ARHGEF3: variants seen among roughly 807,000 people sequenced by gnomAD.
ARHGEF3 encodes 59.8 kDA protein.
In ARHGEF3, 28 loss-of-function variants were observed where a neutral mutation model predicts 63.2. The ratio of observed to expected loss-of-function variants is 0.44; its 90% CI spans 0.33 to 0.61. ARHGEF3 has a LOEUF of 0.61. ARHGEF3 is among the 20% of genes least tolerant of loss of function. The pLI, the probability that ARHGEF3 is intolerant of heterozygous loss-of-function variation, is 0.03. For missense variants in ARHGEF3, 533 were observed against 659.3 expected, an observed-to-expected ratio of 0.81 and a Z score of 2.10; for synonymous variants, 266 against 254.2, an observed-to-expected ratio of 1.05 and a Z score of -0.44.
intron 4 of ARHGEF3, among the ~76,000 whole-genome samples, chr3:56,817,488 G>A (rs1044572813): frequency 3.3e-5 from 5 of 152,176 alleles, no homozygotes; most frequent in Admixed American, 2.0e-4. Flanking sequence ...AACAAATGGA[G>A]TAATAAAGAC....
chr3:56,877,985 A>G (rs1489122072), intron 4 of ARHGEF3, among the ~76,000 whole-genome samples: 1 of 152,230 alleles, frequency 6.6e-6, no homozygotes, highest in Non-Finnish European at 1.5e-5. Context: ...AAATGTAGCT[A>G]TGGCTTTGAG....
chr3:56,878,084 G>T (rs1211471160), intron 4 of ARHGEF3, among the ~76,000 whole-genome samples: 1 of 152,138 alleles, frequency 6.6e-6, no homozygotes, highest in Non-Finnish European at 1.5e-5. Context: ...ATCATTGGAG[G>T]CTATTTTTAT....
intron 4 of ARHGEF3, among the ~76,000 whole-genome samples, chr3:56,812,937 A>C (rs765278356): frequency 1.3e-5 from 2 of 152,164 alleles, no homozygotes; most frequent in Non-Finnish European, 2.9e-5. Flanking sequence ...ATTGAGTGGG[A>C]GGTAGGGAGG....
chr3:56,918,725 G>A, intron 3 of ARHGEF3, among the ~76,000 whole-genome samples: 1 of 152,164 alleles, frequency 6.6e-6, no homozygotes, highest in East Asian at 1.9e-4. Context: ...GATCCGCAAG[G>A]TCCACGTTCA....
intron 1 of ARHGEF3, among the ~76,000 whole-genome samples, chr3:57,042,651 A>AATATATATAT (rs71076013): frequency 2.0e-5 from 1 of 49,260 alleles, no homozygotes; most frequent in African/African-American, 7.4e-5. Flanking sequence ...TATGTACATA[A>AATATATATAT]ATATATATAT....
At chr3:57,033,914 G>A (rs911177212) in intron 2 of ARHGEF3, among the ~76,000 whole-genome samples, 5 of 151,740 alleles carry the variant, frequency 3.3e-5, no homozygotes, top group East Asian at 3.9e-4. Context: ...GTGTGGTGGC[G>A]GACACCTGTA....
At chr3:56,988,264 A>G (rs1701618484) in intron 2 of ARHGEF3, among the ~76,000 whole-genome samples, 1 of 152,134 alleles carries the variant, frequency 6.6e-6, no homozygotes, top group Non-Finnish European at 1.5e-5. Flanking sequence ...CTCCTGCCTC[A>G]GCCTCCTGAG....
rs1167646618 is a variant in ARHGEF3, at chr3:56,796,403, T to G, written c.96+5300A>C. ...GGTTAATATAGATAAGCAAAATGAC[T>G]AACAGAACTGACGGTGGCACCTCCA... On this transcript the variant is annotated intron_variant, in intron 1 of 9. Transcript: ENST00000296315. Among the ~76,000 whole-genome samples, 4 of 152,180 alleles carry G rather than the reference T, an allele frequency of 2.6e-5. No homozygotes were observed. In the South Asian group the frequency reaches 8.3e-4, roughly 31 times the overall value.
intron 3 of ARHGEF3, among the ~76,000 whole-genome samples, chr3:56,916,027 G>A (rs17825630): frequency 0.12 from 18,458 of 152,080 alleles, 1,280 homozygotes; most frequent in South Asian, 0.22. Flanking sequence ...TGCTAAAGGA[G>A]GCCCTGACAG....
At chr3:56,826,937 T>A (rs2038734500) in intron 4 of ARHGEF3, among the ~76,000 whole-genome samples, 1 of 152,226 alleles carries the variant, frequency 6.6e-6, no homozygotes, top group Admixed American at 6.5e-5. Flanking sequence ...TTTTTATTTT[T>A]TAATTTTTTT....
At chr3:57,003,384 G>A (rs527274672) in intron 2 of ARHGEF3, among the ~76,000 whole-genome samples, 9 of 111,514 alleles carry the variant, frequency 8.1e-5, no homozygotes, top group South Asian at 3.1e-4. Context: ...GCCTGGCAAC[G>A]AAGCGAGACG....
intron 3 of ARHGEF3, among the ~76,000 whole-genome samples, chr3:56,935,968 G>A (rs1386797189): frequency 1.3e-5 from 2 of 152,200 alleles, no homozygotes; most frequent in Admixed American, 1.3e-4. Flanking sequence ...CCAAGCTGGT[G>A]AGTGACAGAT....
Position 56,839,929 on chromosome 3 carries a change from C to A in ARHGEF3, c.192+42363G>T, listed in dbSNP as rs78431131. 6.6e-5 allele frequency among the ~76,000 whole-genome samples: 10 copies of A among 152,202 alleles called. No homozygotes were observed. The East Asian group carries it at 1.9e-3, about 29-fold the overall frequency. ...CCCGAAGGCTCCTGGTGCTCTCGAG[C>A]CCGGACACGTTTCATCTGACAGGAA... On this transcript the variant is annotated intron_variant, in intron 4 of 12. Coordinates refer to the ARHGEF3 transcript ENST00000338458.
At chr3:56,775,305 C>A in intron 1 of ARHGEF3, 1 of 1,197,138 alleles carries the variant, frequency 8.4e-7, no homozygotes. Context: ...TATGCCCCTG[C>A]CAGTCTCAGA....
intron 4 of ARHGEF3, among the ~76,000 whole-genome samples, chr3:56,856,067 G>A (rs1578686220): frequency 6.6e-6 from 1 of 152,308 alleles, no homozygotes. Context: ...CCCTGCCGCA[G>A]AGGAGGAAGA....
intron 3 of ARHGEF3, among the ~76,000 whole-genome samples, chr3:56,895,425 C>G (rs1168573677): frequency 6.6e-6 from 1 of 151,926 alleles, no homozygotes; most frequent in Admixed American, 6.6e-5. Context: ...CAGAAAGAGG[C>G]TGTGTTGGCA....
At chr3:56,852,697 A>G (rs1160522214) in intron 4 of ARHGEF3, among the ~76,000 whole-genome samples, 1 of 17,802 alleles carries the variant, frequency 5.6e-5, no homozygotes, top group East Asian at 2.2e-3. Flanking sequence ...GTTGATTCAC[A>G]TGCTGTAAAA....
chr3:56,856,012 T>C (rs540199687), intron 4 of ARHGEF3, among the ~76,000 whole-genome samples: 1 of 152,310 alleles, frequency 6.6e-6, no homozygotes, highest in Non-Finnish European at 1.5e-5. Flanking sequence ...GACATTTCAT[T>C]GTTTTACTCT....
chr3:56,731,755 A>G (rs1175424110), intron 9 of ARHGEF3: 2 of 176,088 alleles, frequency 1.1e-5, no homozygotes, highest in Non-Finnish European at 2.4e-5. Context: ...TCTTTTAGTT[A>G]ATTTGTTTAT....
Sources: gnomAD v4.1 joint callset for allele counts (sites outside exome capture counted in the v4.1 genomes callset) on GRCh38, gnomAD v4.1.1 for gene constraint, MANE v1.5 for transcripts, NCBI Gene and HGNC (gene_info 2026-07-23, HGNC 2026-07-21) for gene names.